The following RBFOX1 variants were observed in gnomAD, a reference collection of about 807,000 sequenced individuals.
The protein encoded by RBFOX1 is RNA binding protein fox-1 homolog 1.
In RBFOX1, 8 loss-of-function variants were observed where a neutral mutation model predicts 57.7. The observed-to-expected ratio is 0.14, with a 90% CI of 0.08 to 0.25. The LOEUF (loss-of-function observed/expected upper bound fraction) is 0.25. RBFOX1 is among the 10% of genes least tolerant of loss of function. RBFOX1 has a pLI of 1.00. For missense variants in RBFOX1, 611 were observed against 548.5 expected, an observed-to-expected ratio of 1.11 and a Z score of -1.14; for synonymous variants, 326 against 222.4, an observed-to-expected ratio of 1.47 and a Z score of -4.15.
chr16:7,000,863 A>G (rs954611685), intron 3 of RBFOX1, among the ~76,000 whole-genome samples: 1 of 151,952 alleles, frequency 6.6e-6, no homozygotes, highest in African/African-American at 2.4e-5. Context: ...CGGCCTCCCA[A>G]AGTGCTGGGA....
At chr16:7,409,778 T>A (rs1337040973) in intron 4 of RBFOX1, among the ~76,000 whole-genome samples, 1 of 137,538 alleles carries the variant, frequency 7.3e-6, no homozygotes, top group African/African-American at 2.5e-5. Context: ...CATTCCTTGC[T>A]CTGGGCATTC....
chr16:5,551,717 C>T (rs2045473001), intron 2 of RBFOX1, among the ~76,000 whole-genome samples: 1 of 152,036 alleles, frequency 6.6e-6, no homozygotes, highest in African/African-American at 2.4e-5. Context: ...TAGTTTGCCG[C>T]ACCTATGAGC....
intron 4 of RBFOX1, among the ~76,000 whole-genome samples, chr16:5,983,312 G>A (rs936262768): frequency 1.3e-5 from 2 of 152,212 alleles, no homozygotes; most frequent in African/African-American, 2.4e-5. Context: ...TTAGTGGGTG[G>A]GGAGGAGAAA....
chr16:5,434,406 C>T (rs1282128761), intron 1 of RBFOX1, among the ~76,000 whole-genome samples: 1 of 143,110 alleles, frequency 7.0e-6, no homozygotes, highest in Non-Finnish European at 1.5e-5. Context: ...ACTGCAACCT[C>T]CACCTCCCAA....
At chr16:6,311,178 C>G (rs1044676043) in intron 1 of RBFOX1, among the ~76,000 whole-genome samples, 6 of 151,538 alleles carry the variant, frequency 4.0e-5, no homozygotes, top group East Asian at 2.0e-4. Context: ...CACCTGTAAT[C>G]CCAGCTACTC....
At chr16:5,777,637 C>T (rs891240396) in intron 3 of RBFOX1, among the ~76,000 whole-genome samples, 5 of 152,144 alleles carry the variant, frequency 3.3e-5, no homozygotes, top group East Asian at 1.9e-4. Context: ...TATTTAAAAG[C>T]GGAATAATGC....
chr16:6,859,846 T>G (rs1056624690), intron 3 of RBFOX1, among the ~76,000 whole-genome samples: 1 of 152,208 alleles, frequency 6.6e-6, no homozygotes, highest in Non-Finnish European at 1.5e-5. Context: ...AATCACACTT[T>G]TGAGTATTCA....
In RBFOX1 at chr16:7,650,714, A is replaced by T. The variant is rs181611871; in HGVS notation, c.758-3101A>T. 2.2e-3 allele frequency among the ~76,000 whole-genome samples: 329 copies of T among 152,328 alleles called. 2 individuals are homozygous for T. The highest frequency in any genetic ancestry group is 0.016 in the South Asian group (75 of 4,834). On this transcript the variant is annotated intron_variant, in intron 11 of 15. Coordinates refer to ENST00000550418, the MANE Select transcript of RBFOX1 (RefSeq NM_018723.4). ...CAGTGACAATGAATGGGTCAGCATA[A>T]TTACCGTGTTTCCTCACACAGGCAG...
intron 2 of RBFOX1, among the ~76,000 whole-genome samples, chr16:6,321,570 C>G (rs933404957): frequency 1.3e-5 from 2 of 152,176 alleles, no homozygotes; most frequent in African/African-American, 4.8e-5. Flanking sequence ...TGGTTGGTGC[C>G]TAATGCATGC....
chr16:6,722,742 C>A (rs2066277773), intron 3 of RBFOX1, among the ~76,000 whole-genome samples: 1 of 152,138 alleles, frequency 6.6e-6, no homozygotes, highest in Non-Finnish European at 1.5e-5. Flanking sequence ...ATTAAGGGCC[C>A]CGTTCATCAA....
At chr16:5,454,926 TCTTCCTTCCTTCCTTCCTTCCTTC>T (rs1162105535) in intron 1 of RBFOX1, among the ~76,000 whole-genome samples, 36 of 54,826 alleles carry the variant, frequency 6.6e-4, no homozygotes, top group South Asian at 1.3e-3. Flanking sequence ...TTTGTTTCTT[TCTTCCTTCCTTCCTTCCTTCCTTC>T]CTTCCTTCCT....
chr16:5,648,871 C>T (rs1194180736), intron 3 of RBFOX1, among the ~76,000 whole-genome samples: 1 of 151,992 alleles, frequency 6.6e-6, no homozygotes, highest in Admixed American at 6.6e-5. Context: ...TGAGTCCAGG[C>T]TGGCCAACAT....
intron 3 of RBFOX1, among the ~76,000 whole-genome samples, chr16:6,996,687 G>A (rs1180143088): frequency 2.0e-5 from 3 of 152,160 alleles, no homozygotes; most frequent in African/African-American, 7.2e-5. Flanking sequence ...GTAAGTGGCA[G>A]GATTGGGATT....
At chr16:6,173,852 T>A (rs1450691441) in intron 1 of RBFOX1, among the ~76,000 whole-genome samples, 1 of 152,070 alleles carries the variant, frequency 6.6e-6, no homozygotes, top group Non-Finnish European at 1.5e-5. Flanking sequence ...TGAAGTGATC[T>A]GCCTGCCTTG....
At chr16:7,523,020 A>G (rs188837173) in intron 5 of RBFOX1, among the ~76,000 whole-genome samples, 32 of 152,196 alleles carry the variant, frequency 2.1e-4, no homozygotes, top group Middle Eastern at 3.4e-3. Context: ...CCAGGGAACC[A>G]GTGGGTCTGC....
At chr16:6,833,816 G>A (rs537272313) in intron 3 of RBFOX1, among the ~76,000 whole-genome samples, 1 of 152,262 alleles carries the variant, frequency 6.6e-6, no homozygotes, top group South Asian at 2.1e-4. Flanking sequence ...GGGTAGGTAG[G>A]AATTAGATAG....
At chr16:5,760,730 T>G (rs1244909113) in intron 3 of RBFOX1, among the ~76,000 whole-genome samples, 2 of 152,090 alleles carry the variant, frequency 1.3e-5, no homozygotes, top group African/African-American at 4.8e-5. Context: ...TGCCATTATA[T>G]TGAAAGTTAT....
intron 4 of RBFOX1, among the ~76,000 whole-genome samples, chr16:5,984,943 C>A (rs1402000530): frequency 7.8e-5 from 9 of 115,850 alleles, no homozygotes; most frequent in Admixed American, 4.6e-4. Context: ...TAGGGCAACT[C>A]CATTATATAT....
intron 4 of RBFOX1, among the ~76,000 whole-genome samples, chr16:7,296,009 T>C (rs2095880175): frequency 6.6e-6 from 1 of 152,084 alleles, no homozygotes; most frequent in Admixed American, 6.5e-5. Context: ...ATTAATTGTT[T>C]TTTAGTCTCC....
Sources: gnomAD v4.1 joint callset for allele counts (sites outside exome capture counted in the v4.1 genomes callset) on GRCh38, gnomAD v4.1.1 for gene constraint, MANE v1.5 for transcripts, NCBI Gene and HGNC (gene_info 2026-07-23, HGNC 2026-07-21) for gene names.